The following NME9 variants were observed in gnomAD, a reference collection of about 807,000 sequenced individuals.
NME9 encodes thioredoxin domain-containing protein 6.
NME9 carries 48 observed loss-of-function variants against 44.4 expected under a neutral mutation model. The ratio of observed to expected loss-of-function variants is 1.08; its 90% CI spans 0.86 to 1.37. The LOEUF (loss-of-function observed/expected upper bound fraction) is 1.37, where lower values mean the gene tolerates loss of function less well. Among genes scored for constraint, NME9 ranks in the 40% most tolerant of loss-of-function variants. The probability of loss-of-function intolerance (pLI) is 0.00; values close to 1 mark genes in which losing one functional copy is unlikely to be tolerated. For missense variants in NME9, 325 were observed against 405.2 expected, an observed-to-expected ratio of 0.80 and a Z score of 1.70; for synonymous variants, 139 against 147.1, an observed-to-expected ratio of 0.94 and a Z score of 0.40.
At chr3:138,289,002 G>A in intron 8 of NME9, 2 of 1,521,788 alleles carry the variant, frequency 1.3e-6, no homozygotes, top group Non-Finnish European at 1.8e-6. Flanking sequence ...AATCTAAAAT[G>A]AGATTACCAC....
At chr3:138,278,061 T>C (rs953148957) in intron 8 of NME9, among the ~76,000 whole-genome samples, 2 of 151,952 alleles carry the variant, frequency 1.3e-5, no homozygotes, top group Non-Finnish European at 2.9e-5. Context: ...GACAAAACAG[T>C]AGAGACAGAG....
intron 8 of NME9, among the ~76,000 whole-genome samples, chr3:138,270,887 A>G (rs2048725494): frequency 1.3e-5 from 2 of 152,206 alleles, no homozygotes; most frequent in South Asian, 4.1e-4. Flanking sequence ...AAACATATTT[A>G]TACTATTTAC....
chr3:138,325,081 T>C (rs1577214056), intron 1 of NME9, 151 bp from the exon 2 acceptor site: 1 of 645,786 alleles, frequency 1.5e-6, no homozygotes, highest in Non-Finnish European at 2.7e-6. Context: ...TTCTCCTTCC[T>C]TCTCTCCCTT....
intron 10 of NME9, among the ~76,000 whole-genome samples, chr3:138,302,674 T>C (rs1220398469): frequency 1.3e-5 from 2 of 152,240 alleles, no homozygotes; most frequent in African/African-American, 2.4e-5. Context: ...CTATTTTGAC[T>C]TGGCTGCATT....
At chr3:138,300,473 C>T (rs1284243888), downstream of NME9, among the ~76,000 whole-genome samples, 2 of 152,142 alleles carry the variant, frequency 1.3e-5, no homozygotes, top group Non-Finnish European at 2.9e-5. Flanking sequence ...ATGGCCTTCT[C>T]CTCAGATAGG....
chr3:138,291,334 C>T (rs932062672), intron 8 of NME9, among the ~76,000 whole-genome samples: 1 of 152,246 alleles, frequency 6.6e-6, no homozygotes, highest in African/African-American at 2.4e-5. Context: ...ACACCCCATA[C>T]TGCAGCCATA....
chr3:138,282,096 T>G (rs893426294), intron 8 of NME9, among the ~76,000 whole-genome samples: 2 of 152,192 alleles, frequency 1.3e-5, no homozygotes, highest in African/African-American at 4.8e-5. Context: ...TTCCCTAGAT[T>G]GGCCTCACCC....
At chr3:138,287,605 A>G in intron 8 of NME9, 1 of 456,468 alleles carries the variant, frequency 2.2e-6, no homozygotes, top group South Asian at 1.6e-5. Flanking sequence ...CTGGGAGCAG[A>G]TAAGTTTTAT....
intron 6 of NME9, among the ~76,000 whole-genome samples, chr3:138,307,132 G>A (rs1270871830): frequency 6.6e-6 from 1 of 152,210 alleles, no homozygotes; most frequent in Non-Finnish European, 1.5e-5. Flanking sequence ...CTCCGTTCAA[G>A]TTCTCCTGAG....
chr3:138,297,087 A>G (rs992595779), downstream of NME9: 3 of 152,244 alleles, frequency 2.0e-5, no homozygotes, highest in African/African-American at 7.2e-5. Context: ...AGCAAATTTC[A>G]TACTAGTTGC....
chr3:138,311,142 A>G (rs1410271573), intron 6 of NME9, among the ~76,000 whole-genome samples: 2 of 152,120 alleles, frequency 1.3e-5, no homozygotes, highest in Non-Finnish European at 2.9e-5. Flanking sequence ...TGAAAACCTA[A>G]AAGAAATAGA....
chr3:138,324,779 T>G (rs2053677725), intron 2 of NME9, 94 bp downstream of exon 2: 24 of 910,866 alleles, frequency 2.6e-5, no homozygotes, highest in Non-Finnish European at 3.8e-5. Flanking sequence ...AATAGGAAAG[T>G]GGTGTTCATT....
At position 138,301,540 on chromosome 3, in the gene NME9, CA is replaced by C. The variant is rs2051846969; in HGVS notation, c.*99del. On this transcript the variant is annotated 3_prime_UTR_variant, in exon 11 of 11. Coordinates refer to ENST00000333911, the MANE Select transcript of NME9 (RefSeq NM_001349018.2). ...CATTGTCTACAAAAGACAGCTAAACCAAAAAGTATTGGTACTCAAAAGAGTA... is the reference window on the plus strand; with the variant it reads ...CATTGTCTACAAAAGACAGCTAAACCAAAAGTATTGGTACTCAAAAGAGTA... 2.0e-6 allele frequency: 3 copies of C among 1,493,692 alleles called. No individual in the cohort carries two copies. Among genetic ancestry groups the C allele is most frequent in the Admixed American group, 2.2e-5 (1 of 44,778 alleles). 92.5% of individuals were successfully genotyped at this position (1,493,692 alleles called of 1,614,324 possible).
chr3:138,318,744 T>TC lies in NME9; in HGVS notation c.196-526dup, dbSNP rs563383735. On this transcript the variant is annotated intron_variant, in intron 3 of 10. Coordinates refer to ENST00000333911, the MANE Select transcript of NME9 (RefSeq NM_001349018.2). The stretch of plus-strand genomic sequence containing the variant: ...ATGAACCTCAAACCCATGCAGCATA[T>TC]CAACAGTGTCTCTTGCACACTTCTC... 3.9e-4 allele frequency among the ~76,000 whole-genome samples: 59 copies of TC among 152,314 alleles called. No homozygotes were observed. The East Asian group carries it at 4.4e-3, about 11-fold the overall frequency.
intron 6 of NME9, among the ~76,000 whole-genome samples, chr3:138,313,553 A>G (rs1381633148): frequency 1.3e-5 from 2 of 152,176 alleles, no homozygotes; most frequent in East Asian, 1.9e-4. Flanking sequence ...ATATGATCCA[A>G]CAATCCCACT....
At chr3:138,269,045 AAAG>A (rs2048539905) in intron 8 of NME9, among the ~76,000 whole-genome samples, 1 of 152,250 alleles carries the variant, frequency 6.6e-6, no homozygotes, top group Admixed American at 6.5e-5. Flanking sequence ...ATGGTTCAGA[AAAG>A]ATAGATAATG....
chr3:138,304,956 C>T lies in NME9; in HGVS notation c.708G>A (p.Glu236=), dbSNP rs544466889. The stretch of plus-strand genomic sequence containing the variant: ...AGGTAGTGACCACGTCCTCGAAGCC[C>T]TCAGTCCTGGTGAGGATCAGGAGGT... ...PSHLLILTRT[E]GFEDVVTTWR... is the part of the protein sequence containing the mutation. Residue 236 remains glutamate, a synonymous_variant, in exon 9 of 11, where the codon GAG becomes GAA. Transcript: ENST00000333911. 1.2e-6 allele frequency: 2 copies of T among 1,614,166 alleles called. No homozygotes were observed. The highest frequency in any genetic ancestry group is 1.7e-5 in the Admixed American group (1 of 60,020).
intron 1 of NME9, 77 bp downstream of exon 1, chr3:138,329,226 C>T (rs968861012): frequency 1.2e-4 from 151 of 1,297,972 alleles, no homozygotes; most frequent in Admixed American, 2.0e-4. Flanking sequence ...CACTTTTATA[C>T]TGCAACCCCG....
intron 4 of NME9, among the ~76,000 whole-genome samples, chr3:138,315,903 C>T (rs1173842451): frequency 6.6e-6 from 1 of 152,148 alleles, no homozygotes; most frequent in African/African-American, 2.4e-5. Flanking sequence ...GTGACCTCGG[C>T]TCACTACAAG....
Sources: allele counts gnomAD v4.1 joint callset (sites outside exome capture counted in the v4.1 genomes callset), GRCh38; gene constraint gnomAD v4.1.1; transcripts MANE v1.5; gene names NCBI Gene and HGNC (gene_info 2026-07-23, HGNC 2026-07-21).